Variants in PRRC2B observed in about 807,000 individuals in gnomAD.
PRRC2B encodes protein PRRC2B.
Under a neutral mutation model 242.3 loss-of-function variants are expected in PRRC2B, and 68 were observed. The observed-to-expected ratio is 0.28, with a 90% CI of 0.23 to 0.34. The LOEUF (loss-of-function observed/expected upper bound fraction) is 0.34. Among genes scored for constraint, PRRC2B ranks in the 10% least tolerant of loss-of-function variants. The pLI is 1.00. For missense variants in PRRC2B, 2,835 were observed against 2,954.8 expected (o/e 0.96, Z 0.94); for synonymous variants, 1,228 against 1,173.6 (o/e 1.05, Z -0.95).
At chr9:131,422,529 G>A (rs549797632) in intron 1 of PRRC2B, among the ~76,000 whole-genome samples, 23 of 152,362 alleles carry the variant, frequency 1.5e-4, no homozygotes, top group Non-Finnish European at 2.5e-4. Flanking sequence ...ATGCGGAGCC[G>A]TAGTGGTTCC....
At chr9:131,489,494 T>C (rs1242831440) in intron 28 of PRRC2B, among the ~76,000 whole-genome samples, 3 of 152,082 alleles carry the variant, frequency 2.0e-5, no homozygotes, top group Non-Finnish European at 4.4e-5. Context: ...GCCACCCATG[T>C]TTTTGTCATC....
At chr9:131,402,752 T>C (rs1837258238) in intron 1 of PRRC2B, among the ~76,000 whole-genome samples, 4 of 152,194 alleles carry the variant, frequency 2.6e-5, no homozygotes, top group South Asian at 4.1e-4. Flanking sequence ...AATAGTGTGC[T>C]GAGCCCTGGA....
intron 5 of PRRC2B, 66 bp downstream of exon 5, chr9:131,439,127 A>T: frequency 7.0e-7 from 1 of 1,423,026 alleles, no homozygotes; most frequent in Non-Finnish European, 9.8e-7. Context: ...CCTTTTCCAG[A>T]ATGTCTGGTT....
intron 4 of PRRC2B, 113 bp from the exon 5 acceptor site, chr9:131,438,876 C>A: frequency 1.3e-6 from 1 of 760,838 alleles, no homozygotes. Flanking sequence ...TGGATGGATC[C>A]GTATAGGGTT....
chr9:131,453,209 T>TCATAC (rs1397360423), intron 9 of PRRC2B, among the ~76,000 whole-genome samples: 2 of 152,208 alleles, frequency 1.3e-5, no homozygotes, highest in Admixed American at 1.3e-4. Flanking sequence ...TGTCCTGTGT[T>TCATAC]CATACCATTG....
intron 1 of PRRC2B, among the ~76,000 whole-genome samples, chr9:131,394,960 G>GT (rs746579828): frequency 9.4e-5 from 6 of 63,998 alleles, no homozygotes; most frequent in Admixed American, 1.7e-4. Context: ...GCCAGATGGG[G>GT]TTTTTTTTTT....
At position 131,499,032 on chromosome 9, in the gene PRRC2B, G is replaced by GCT. The variant is rs1944402031; in HGVS notation, c.*3161_*3162dup. ...AAACTTGGAATTCATAGACACTCTG[G>GCT]CTCTAGGTTCCTTAAGGGGGAAAAC... On this transcript the variant is annotated 3_prime_UTR_variant, in exon 32 of 32. Transcript: ENST00000683519. 1 of 152,062 alleles carries GCT rather than the reference G, an allele frequency of 6.6e-6. No homozygotes were observed. The highest frequency in any genetic ancestry group is 2.4e-5 in the African/African-American group (1 of 41,388). The allele number at this position is 152,062 out of a possible 1,614,324, so 9.4% of individuals were successfully genotyped here. A position where few individuals can be genotyped will look rare whatever the true frequency, so the allele number is the denominator to read the frequency against.
Position 131,475,514 on chromosome 9 carries a change from A to G in PRRC2B, c.3385A>G (p.Arg1129Gly). 1.2e-6 allele frequency: 2 copies of G among 1,609,294 alleles called. No homozygotes were observed. The highest frequency in any genetic ancestry group is 1.7e-6 in the Non-Finnish European group (2 of 1,177,884). Residue 1129 changes from arginine to glycine, a missense_variant, in exon 16 of 32, where the codon AGA becomes GGA. Physicochemically the swap from Arg to Gly is moderately radical, Grantham distance 125. Coordinates refer to ENST00000683519, the MANE Select transcript of PRRC2B (RefSeq NM_013318.4). ...EDCPRAKPRRRVASETHSEGS... is the reference protein window; with the variant it reads ...EDCPRAKPRRGVASETHSEGS... Reference sequence around the variant, plus strand: ...CTGCCCCAGAGCCAAGCCCCGACGGAGAGTTGCCAGTGAGACCCATAGCGA... The same window carrying G: ...CTGCCCCAGAGCCAAGCCCCGACGGGGAGTTGCCAGTGAGACCCATAGCGA...
intron 23 of PRRC2B, 71 bp downstream of exon 23, chr9:131,483,516 C>T (rs1307064039): frequency 7.4e-7 from 1 of 1,355,380 alleles, no homozygotes; most frequent in East Asian, 2.3e-5. Flanking sequence ...AAGGAGACAG[C>T]ACATGTATTT....
chr9:131,491,574 C>G lies in PRRC2B; in HGVS notation c.6375C>G (p.Ser2125Arg). 1 of 1,610,046 alleles carries G rather than the reference C, an allele frequency of 6.2e-7. No individual in the cohort carries two copies. The highest frequency in any genetic ancestry group is 8.5e-7 in the Non-Finnish European group (1 of 1,178,492). Residue 2125 changes from serine to arginine, a missense_variant, in exon 29 of 32, where the codon AGC (serine) becomes AGG (arginine). Coordinates refer to ENST00000683519, the MANE Select transcript of PRRC2B (RefSeq NM_013318.4). Reference sequence around the variant, plus strand: ...CCCAGCCGCCAGTCCTGAACACCAGCAGAGAGGTAAGGGGACCCCATCTGC... The same window carrying G: ...CCCAGCCGCCAGTCCTGAACACCAGGAGAGAGGTAAGGGGACCCCATCTGC... ...PGSQPPVLNT[S>R]REPSQMEMKG...
rs1944379761 is a variant in PRRC2B, at chr9:131,498,151, C to T, written c.*2277C>T. On this transcript the variant is annotated 3_prime_UTR_variant, in exon 32 of 32. Transcript: ENST00000683519. ...TGAGAAAAAATAAAAACAAAAAGGT[C>T]ACCTGTTCTCCAGCCCTTTTCTCTT... 6.6e-6 allele frequency: 1 copy of T among 152,196 alleles called. No individual in the cohort carries two copies. Among genetic ancestry groups the T allele is most frequent in the Non-Finnish European group, 1.5e-5 (1 of 68,042 alleles). 9.4% of individuals were successfully genotyped at this position (152,196 alleles called of 1,614,324 possible).
intron 4 of PRRC2B, among the ~76,000 whole-genome samples, chr9:131,438,649 T>C (rs1166482962): frequency 6.6e-6 from 1 of 152,196 alleles, no homozygotes; most frequent in African/African-American, 2.4e-5. Flanking sequence ...AGTAGCTCTC[T>C]GTGGACACGG....
chr9:131,387,770 G>A lies in PRRC2B; in HGVS notation c.-56+14039G>A, dbSNP rs1001515421. ...AGCACTGAGTGGCATGTGCTATAAA[G>A]TATAAAATACATGCCGGACTTGAAG... On this transcript the variant is annotated intron_variant, in intron 1 of 1. Coordinates refer to the PRRC2B transcript ENST00000682525. 2.7e-5 allele frequency among the ~76,000 whole-genome samples: 4 copies of A among 150,336 alleles called. 1 individual carries two copies. The Admixed American group carries it at 2.8e-4, about 10-fold the overall frequency.
chr9:131,426,640 C>T (rs929504093), intron 1 of PRRC2B, among the ~76,000 whole-genome samples: 1 of 152,082 alleles, frequency 6.6e-6, no homozygotes, highest in Non-Finnish European at 1.5e-5. Flanking sequence ...GGACTGACTC[C>T]CATTCTGAGC....
At chr9:131,444,147 A>T (rs1015152736) in intron 5 of PRRC2B, 38 bp from the exon 6 acceptor site, 10 of 1,611,018 alleles carry the variant, frequency 6.2e-6, no homozygotes, top group African/African-American at 2.7e-5. Context: ...TGTTGACTCC[A>T]TCTCACTTCC....
intron 1 of PRRC2B, among the ~76,000 whole-genome samples, chr9:131,408,641 T>TAA (rs1837429614): frequency 6.6e-6 from 1 of 152,208 alleles, no homozygotes; most frequent in Non-Finnish European, 1.5e-5. Flanking sequence ...TGAATGTGTA[T>TAA]AAGCCTGGAG....
chr9:131,468,898 G>A (rs773689471), intron 13 of PRRC2B, among the ~76,000 whole-genome samples: 1 of 152,028 alleles, frequency 6.6e-6, no homozygotes, highest in East Asian at 1.9e-4. Context: ...GAGTGTAGGC[G>A]AGCACTGCAC....
chr9:131,395,175 A>C (rs1429220326), intron 1 of PRRC2B, among the ~76,000 whole-genome samples: 1 of 151,718 alleles, frequency 6.6e-6, no homozygotes, highest in East Asian at 1.9e-4. Flanking sequence ...AGGAAGTGGG[A>C]GAAGGGGGGC....
chr9:131,471,070 C>T, intron 14 of PRRC2B, 87 bp downstream of exon 14: 1 of 968,402 alleles, frequency 1.0e-6, no homozygotes, highest in African/African-American at 1.7e-5. Context: ...AACAGATACA[C>T]CTGGATTTTG....
Sources: allele counts gnomAD v4.1 joint callset (sites outside exome capture counted in the v4.1 genomes callset), GRCh38; gene constraint gnomAD v4.1.1; transcripts MANE v1.5; gene names NCBI Gene and HGNC (gene_info 2026-07-23, HGNC 2026-07-21).